Variants in TIGAR observed in about 807,000 individuals in gnomAD.
TIGAR encodes the protein TP53 induced glycolysis regulatory phosphatase.
A neutral mutation model predicts 17.9 loss-of-function variants in TIGAR; 7 were observed. That is an observed-to-expected ratio of 0.39 (90% CI 0.22 to 0.73). TIGAR has a LOEUF of 0.73. Ranked by LOEUF, TIGAR falls within the 30% of genes least tolerant of loss-of-function variation. TIGAR has a pLI of 0.42. For missense variants in TIGAR, 258 were observed against 327.4 expected, an observed-to-expected ratio of 0.79 and a Z score of 1.64; for synonymous variants, 94 against 108.6, an observed-to-expected ratio of 0.87 and a Z score of 0.84.
chr12:4,337,018 C>T (rs1445642884), intron 2 of TIGAR, 21 bp from the exon 3 acceptor site: 2 of 1,576,038 alleles, frequency 1.3e-6, no homozygotes, highest in East Asian at 4.5e-5. Context: ...TGTTATTGTT[C>T]CTCTTCTTAA....
At chr12:4,336,624 G>A (rs1431370171) in intron 2 of TIGAR, among the ~76,000 whole-genome samples, 3 of 152,110 alleles carry the variant, frequency 2.0e-5, no homozygotes, top group African/African-American at 7.2e-5. Flanking sequence ...AGGGAGGAAG[G>A]AAAGAGGAAA....
At chr12:4,330,378 G>A (rs537789737) in intron 1 of TIGAR, among the ~76,000 whole-genome samples, 73 of 152,272 alleles carry the variant, frequency 4.8e-4, no homozygotes, top group African/African-American at 1.6e-3. Flanking sequence ...ACACTACAGG[G>A]TGGTGTAACC....
rs1864922617 is a variant in TIGAR at position 4,357,846 on chromosome 12, G to A, written c.*5155G>A. Among the ~76,000 whole-genome samples, 1 of 152,202 alleles carries A rather than the reference G, an allele frequency of 6.6e-6. No individual in the cohort carries two copies. Among genetic ancestry groups the A allele is most frequent in the East Asian group, 1.9e-4 (1 of 5,196 alleles). On this transcript the variant is annotated 3_prime_UTR_variant, in exon 6 of 6. Transcript: ENST00000179259. ...TGGCTGGGCGTGGTGGCTCGCACCT[G>A]TAATCCCAGCACTTTGGGAGGCCAA...
At chr12:4,323,342 A>G (rs1390281986) in intron 1 of TIGAR, among the ~76,000 whole-genome samples, 3 of 152,316 alleles carry the variant, frequency 2.0e-5, no homozygotes, top group Admixed American at 2.0e-4. Context: ...AAAAAGTAAG[A>G]TGATTCCTAT....
In TIGAR at chr12:4,358,367, G is replaced by T. The variant is rs1220436259; in HGVS notation, c.*5676G>T. ...AATAATTACAGTAATGTGTATGTGC[G>T]TGTGTTTTGGTAATCTTTTATCTTG... On this transcript the variant is annotated 3_prime_UTR_variant, in exon 6 of 6. Transcript: ENST00000179259. 6.6e-6 allele frequency among the ~76,000 whole-genome samples: 1 copy of T among 151,922 alleles called. No homozygotes were observed. Among genetic ancestry groups the T allele is most frequent in the Non-Finnish European group, 1.5e-5 (1 of 67,990 alleles).
chr12:4,337,695 A>T (rs1864675250), intron 3 of TIGAR, among the ~76,000 whole-genome samples: 1 of 152,246 alleles, frequency 6.6e-6, no homozygotes, highest in Non-Finnish European at 1.5e-5. Flanking sequence ...CTATTATGAG[A>T]GAGAGCAGGG....
rs775799671 is a variant in TIGAR at position 4,352,514 on chromosome 12, C to T, written c.636C>T (p.Asp212=). Residue 212 remains aspartate (D), a synonymous_variant, in exon 6 of 6, where the codon GAC becomes GAT. Coordinates refer to ENST00000179259, the MANE Select transcript of TIGAR (RefSeq NM_020375.3). Reference sequence around the variant, plus strand: ...GTCTGTTTGATTATTTTCTGACTGACCTTAAGTGTTCCTTACCAGCCACTC... The same window carrying T: ...GTCTGTTTGATTATTTTCTGACTGATCTTAAGTGTTCCTTACCAGCCACTC... ...MRSLFDYFLT[D]LKCSLPATLS... is the part of the protein sequence containing the mutation. The T allele has an allele frequency of 6.2e-7, 1 of 1,614,158 alleles. No individual in the cohort carries two copies. The highest frequency in any genetic ancestry group is 2.2e-5 in the East Asian group (1 of 44,874).
At position 4,331,300 on chromosome 12, in the gene TIGAR, A is replaced by C. The variant is rs2120655800; in HGVS notation, c.53A>C (p.Lys18Thr). ...VVRHGETRFN[K>T]EKIIQGQGVD... Reference sequence around the variant, plus strand: ...TTTAGTGGAGAAACAAGATTTAACAAGGAGAAAATAATCCAAGGTTGGTAT... The same window carrying C: ...TTTAGTGGAGAAACAAGATTTAACACGGAGAAAATAATCCAAGGTTGGTAT... Residue 18 changes from lysine to threonine, a missense_variant, in exon 2 of 6, where the codon AAG becomes ACG. Physicochemically the swap from Lys to Thr is moderately conservative, Grantham distance 78. Transcript: ENST00000179259. 1 of 1,610,096 alleles carries C rather than the reference A, an allele frequency of 6.2e-7. No individual in the cohort carries two copies. Among genetic ancestry groups the C allele is most frequent in the Middle Eastern group, 1.6e-4 (1 of 6,062 alleles).
At chr12:4,341,005 C>A (rs1591663149) in intron 3 of TIGAR, among the ~76,000 whole-genome samples, 1 of 152,148 alleles carries the variant, frequency 6.6e-6, no homozygotes, top group African/African-American at 2.4e-5. Context: ...CAATAACCTG[C>A]AAGCACAGGC....
At chr12:4,322,010 T>G (rs1308371397) in intron 1 of TIGAR, among the ~76,000 whole-genome samples, 2 of 144,928 alleles carry the variant, frequency 1.4e-5, no homozygotes, top group African/African-American at 5.1e-5. Context: ...TTTTTTTTTT[T>G]TGTGAGATGG....
chr12:4,343,350 C>A (rs1421970581), intron 3 of TIGAR, among the ~76,000 whole-genome samples: 3 of 152,080 alleles, frequency 2.0e-5, no homozygotes, highest in Non-Finnish European at 1.5e-5. Flanking sequence ...AAAGGATATC[C>A]AGGAATTGAA....
rs1864925267 is a variant in TIGAR at position 4,357,934 on chromosome 12, T to TGAAAATAGAA, written c.*5243_*5244insGAAAATAGAA. 2.6e-5 allele frequency among the ~76,000 whole-genome samples: 4 copies of TGAAAATAGAA among 151,600 alleles called. No individual in the cohort carries two copies. The highest frequency in any genetic ancestry group is 9.7e-5 in the African/African-American group (4 of 41,186). On this transcript the variant is annotated 3_prime_UTR_variant, in exon 6 of 6. Transcript: ENST00000179259. ...CTGGCTAACACAGTGAAACCTCGTC[T>TGAAAATAGAA]CCACTGAAAAATAGAAAAAATTAGC...
At position 4,321,377 on chromosome 12, in the gene TIGAR, G is replaced by A. The variant is rs545983632; in HGVS notation, c.32+74G>A. The A allele has an allele frequency of 2.5e-6, 4 of 1,585,096 alleles. No homozygotes were observed. The South Asian group carries it at 3.3e-5, about 13-fold the overall frequency. On this transcript the variant is annotated intron_variant, in intron 1 of 5. Coordinates refer to ENST00000179259, the MANE Select transcript of TIGAR (RefSeq NM_020375.3). The surrounding 1 kb of genome is among the most constrained non-coding windows in gnomAD (Gnocchi z 5.2). ...TGTTGGAGCGGGTGAAGGGAAAACGGGTCCACCACCCTCTCCCCTCCCTGC... is the reference window on the plus strand; with the variant it reads ...TGTTGGAGCGGGTGAAGGGAAAACGAGTCCACCACCCTCTCCCCTCCCTGC...
intron 3 of TIGAR, among the ~76,000 whole-genome samples, chr12:4,348,148 C>A (rs1864801055): frequency 6.6e-6 from 1 of 151,678 alleles, no homozygotes; most frequent in South Asian, 2.1e-4. Context: ...AAAAAAAAGT[C>A]CCTTTAAAAA....
In TIGAR at chr12:4,331,281, G is replaced by A; in HGVS notation, c.34G>A (p.Gly12Arg). The change falls in exon 2 of 6, where the codon GGA becomes AGA. Residue 12 changes from glycine (G) to arginine (R), a missense_variant and splice_region_variant. Physicochemically the swap from Gly to Arg is moderately radical, Grantham distance 125. Transcript: ENST00000179259. The part of the protein sequence containing the change: ...ARFALTVVRH[G>R]ETRFNKEKII... ...GTTGTCCTTCTCTTTCTATTTTAGT[G>A]GAGAAACAAGATTTAACAAGGAGAA... 6.2e-7 allele frequency: 1 copy of A among 1,609,032 alleles called. No individual in the cohort carries two copies. The highest frequency in any genetic ancestry group is 8.5e-7 in the Non-Finnish European group (1 of 1,175,500).
chr12:4,341,817 T>A (rs1441803796), intron 3 of TIGAR, among the ~76,000 whole-genome samples: 5 of 152,164 alleles, frequency 3.3e-5, no homozygotes, highest in Non-Finnish European at 5.9e-5. Flanking sequence ...CTGAAAATTC[T>A]AAAAATCAGA....
In TIGAR at chr12:4,357,899, A is replaced by C. The variant is rs920067194; in HGVS notation, c.*5208A>C. 2.8e-4 allele frequency among the ~76,000 whole-genome samples: 42 copies of C among 151,348 alleles called. No homozygotes were observed. The highest frequency in any genetic ancestry group is 3.5e-3 in the Middle Eastern group (1 of 288). On this transcript the variant is annotated 3_prime_UTR_variant, in exon 6 of 6. Coordinates refer to ENST00000179259, the MANE Select transcript of TIGAR (RefSeq NM_020375.3). ...CGGGCAGATCACGAGGTCAGGAGATAGAGACCATCCTGGCTAACACAGTGA... is the reference window on the plus strand; with the variant it reads ...CGGGCAGATCACGAGGTCAGGAGATCGAGACCATCCTGGCTAACACAGTGA...
At chr12:4,352,222 A>G (rs749092671) in intron 5 of TIGAR, 38 bp from the exon 6 acceptor site, 1 of 1,558,274 alleles carries the variant, frequency 6.4e-7, no homozygotes, top group South Asian at 1.2e-5. Flanking sequence ...GAAGTCATTA[A>G]TGTCACTTTA....
intron 1 of TIGAR, among the ~76,000 whole-genome samples, chr12:4,323,132 G>A (rs1330971974): frequency 6.8e-6 from 1 of 146,680 alleles, no homozygotes; most frequent in Non-Finnish European, 1.5e-5. Flanking sequence ...TGGCTGTGGT[G>A]GTGCATGCCT....
Sources: allele counts gnomAD v4.1 joint callset (sites outside exome capture counted in the v4.1 genomes callset), GRCh38; gene constraint gnomAD v4.1.1; non-coding constraint Gnocchi (gnomAD v3.1); transcripts MANE v1.5; gene names NCBI Gene and HGNC (gene_info 2026-07-23, HGNC 2026-07-21).